Variants in TRAF2 observed in about 807,000 individuals in gnomAD.
The protein encoded by TRAF2 is TNF receptor-associated factor 2.
Under a neutral mutation model 55.6 loss-of-function variants are expected in TRAF2, and 6 were observed. The observed-to-expected ratio is 0.11, with a 90% CI of 0.06 to 0.21. The LOEUF is 0.21. Among genes scored for constraint, TRAF2 ranks in the 10% least tolerant of loss-of-function variants. TRAF2 has a pLI of 1.00. For missense variants in TRAF2, 561 were observed against 684.5 expected, an observed-to-expected ratio of 0.82 and a Z score of 2.01; for synonymous variants, 329 against 276.3, an observed-to-expected ratio of 1.19 and a Z score of -1.89.
upstream of TRAF2, chr9:136,885,949 T>C (rs1288028808): frequency 6.6e-6 from 1 of 152,210 alleles, no homozygotes; most frequent in Non-Finnish European, 1.5e-5. Flanking sequence ...GTTACCCAAA[T>C]TGAGGCGCCG....
At chr9:136,919,041 A>AATAT (rs1554781863) in intron 7 of TRAF2, among the ~76,000 whole-genome samples, 2 of 28,460 alleles carry the variant, frequency 7.0e-5, no homozygotes, top group African/African-American at 4.0e-4. Context: ...GGCCTATTTT[A>AATAT]ATATTTATTT....
chr9:136,925,513 G>A (rs569274810), intron 10 of TRAF2, among the ~76,000 whole-genome samples, 170 bp from the exon 11 acceptor site: 156 of 152,268 alleles, frequency 1.0e-3, no homozygotes, highest in African/African-American at 3.4e-3. Flanking sequence ...GAGCCCGGGC[G>A]CTGTGGCAGG....
chr9:136,887,701 A>G (rs1013820946), intron 1 of TRAF2, among the ~76,000 whole-genome samples: 34 of 152,110 alleles, frequency 2.2e-4, no homozygotes, highest in African/African-American at 8.2e-4. Flanking sequence ...AATAAGAGGA[A>G]CTGAATGTAT....
chr9:136,898,550 C>T, intron 1 of TRAF2, 163 bp from the exon 2 acceptor site: 1 of 983,996 alleles, frequency 1.0e-6, no homozygotes, highest in South Asian at 4.7e-5. Flanking sequence ...AGAGGGTCTC[C>T]AAGGCTCCCT....
At chr9:136,920,630 T>C in intron 8 of TRAF2, 115 bp downstream of exon 8, 1 of 1,345,070 alleles carries the variant, frequency 7.4e-7, no homozygotes, top group Admixed American at 2.8e-5. Flanking sequence ...AATGTAGAAC[T>C]CCATCTGCAA....
upstream of TRAF2, among the ~76,000 whole-genome samples, chr9:136,884,627 G>C (rs1448310996): frequency 6.6e-6 from 1 of 152,186 alleles, no homozygotes; most frequent in East Asian, 1.9e-4. Flanking sequence ...TGCAACCACA[G>C]CTCACTGCAA....
At chr9:136,893,330 G>T (rs1187950272) in intron 1 of TRAF2, among the ~76,000 whole-genome samples, 1 of 152,220 alleles carries the variant, frequency 6.6e-6, no homozygotes, top group Non-Finnish European at 1.5e-5. Context: ...CGAATGTAAG[G>T]TCTCACTAAA....
chr9:136,896,809 C>T lies in TRAF2; in HGVS notation c.-28-1904C>T, dbSNP rs138076844. ...ATTTTTAATAGAGACGGGGTTTCAC[C>T]GTGTTAGCCAGGATGGTCCCGAACT... On this transcript the variant is annotated intron_variant, in intron 1 of 10. Transcript: ENST00000247668. 4.9e-3 allele frequency among the ~76,000 whole-genome samples: 743 copies of T among 152,276 alleles called. 7 individuals are homozygous for T. Among genetic ancestry groups the T allele is most frequent in the African/African-American group, 0.017 (710 of 41,548 alleles).
chr9:136,900,567 G>C, intron 4 of TRAF2, 47 bp downstream of exon 4: 1 of 1,535,266 alleles, frequency 6.5e-7, no homozygotes, highest in Non-Finnish European at 9.0e-7. Flanking sequence ...CCAGCAGTCG[G>C]GAGTCGTCCA....
At chr9:136,909,222 G>A (rs1850038244) in intron 5 of TRAF2, among the ~76,000 whole-genome samples, 1 of 13,096 alleles carries the variant, frequency 7.6e-5, no homozygotes, top group African/African-American at 6.8e-4. Flanking sequence ...CTTCCCCAAA[G>A]CGTTGGTGAG....
intron 6 of TRAF2, among the ~76,000 whole-genome samples, chr9:136,912,140 C>T (rs1850126441): frequency 7.2e-6 from 1 of 139,232 alleles, no homozygotes; most frequent in Admixed American, 7.5e-5. Flanking sequence ...GCGTGAGCCA[C>T]TGCGTCTGGC....
intron 1 of TRAF2, chr9:136,889,516 T>G (rs1849530478): frequency 1.3e-5 from 2 of 152,154 alleles, no homozygotes; most frequent in Admixed American, 1.3e-4. Context: ...ACTCCTGACC[T>G]CAGGTGATCC....
chr9:136,893,012 C>T (rs990299964), intron 1 of TRAF2, among the ~76,000 whole-genome samples: 3 of 152,096 alleles, frequency 2.0e-5, no homozygotes, highest in Admixed American at 6.6e-5. Flanking sequence ...CTTTTAGTGA[C>T]GTACATGTAT....
intron 9 of TRAF2, among the ~76,000 whole-genome samples, chr9:136,923,186 A>G (rs1466206424): frequency 6.6e-6 from 1 of 152,046 alleles, no homozygotes; most frequent in Non-Finnish European, 1.5e-5. Context: ...TTGGGGCCCA[A>G]CCTAAGCCCT....
chr9:136,907,436 G>A (rs755685676), intron 4 of TRAF2, among the ~76,000 whole-genome samples: 5 of 152,348 alleles, frequency 3.3e-5, no homozygotes, highest in South Asian at 2.1e-4. Flanking sequence ...ACTGGCCCTC[G>A]CCTGTCTTCC....
In TRAF2 at chr9:136,925,906, C is replaced by G. The variant is rs185169126; in HGVS notation, c.*5C>G. 5 of 1,613,984 alleles carry G rather than the reference C, an allele frequency of 3.1e-6. No homozygotes were observed. In the African/African-American group the frequency reaches 5.3e-5, roughly 17 times the overall value. On this transcript the variant is annotated 3_prime_UTR_variant, in exon 11 of 11. Coordinates refer to ENST00000247668, the MANE Select transcript of TRAF2 (RefSeq NM_021138.4). ...GTGGACCTGACAGGGCTCTAACTGCCCCCTACTGGTGTCTGGGGGTTGGGG... is the reference window on the plus strand; with the variant it reads ...GTGGACCTGACAGGGCTCTAACTGCGCCCTACTGGTGTCTGGGGGTTGGGG...
At chr9:136,894,915 C>G (rs77754820) in intron 1 of TRAF2, among the ~76,000 whole-genome samples, 263 of 152,302 alleles carry the variant, frequency 1.7e-3, no homozygotes, top group African/African-American at 5.7e-3. Flanking sequence ...GACTTCCAAC[C>G]TGTAGTGTGC....
At chr9:136,920,184 G>A (rs1243225979) in intron 7 of TRAF2, 50 bp from the exon 8 acceptor site, 1 of 1,542,104 alleles carries the variant, frequency 6.5e-7, no homozygotes, top group South Asian at 1.2e-5. Context: ...TCCCCGGGTG[G>A]GAGCCGAATG....
At chr9:136,906,542 C>T (rs1041943156) in intron 4 of TRAF2, among the ~76,000 whole-genome samples, 5 of 152,040 alleles carry the variant, frequency 3.3e-5, no homozygotes, top group African/African-American at 1.2e-4. Flanking sequence ...CCCACCAGGC[C>T]CCTCCCACAA....
Sources: gnomAD v4.1 joint callset for allele counts (sites outside exome capture counted in the v4.1 genomes callset) on GRCh38, gnomAD v4.1.1 for gene constraint, MANE v1.5 for transcripts, NCBI Gene and HGNC (gene_info 2026-07-23, HGNC 2026-07-21) for gene names.